The following CDH13 variants were observed in gnomAD, a reference collection of about 807,000 sequenced individuals.
CDH13 encodes the protein cadherin-13.
In CDH13, 24 loss-of-function variants were observed where a neutral mutation model predicts 63.8. The observed-to-expected ratio is 0.38, with a 90% CI of 0.27 to 0.53. The LOEUF is 0.53. CDH13 is among the 20% of genes least tolerant of loss of function. The pLI is 0.85. For synonymous variants in CDH13, 503 were observed against 355.3 expected, an observed-to-expected ratio of 1.42 and a Z score of -4.67; for missense variants, 1,049 against 903.1, an observed-to-expected ratio of 1.16 and a Z score of -2.07.
At chr16:82,849,685 C>A (rs1450118558) in intron 1 of CDH13, among the ~76,000 whole-genome samples, 1 of 152,148 alleles carries the variant, frequency 6.6e-6, no homozygotes, top group Non-Finnish European at 1.5e-5. Flanking sequence ...ACTTTCATAG[C>A]TAGAGAGAAG....
At chr16:83,304,237 A>G (rs2089821688) in intron 5 of CDH13, among the ~76,000 whole-genome samples, 1 of 152,138 alleles carries the variant, frequency 6.6e-6, no homozygotes, top group South Asian at 2.1e-4. Context: ...ACGCTGAAAT[A>G]TTTGAAGCTG....
At chr16:82,897,954 G>A (rs1162744481) in intron 2 of CDH13, among the ~76,000 whole-genome samples, 1 of 152,164 alleles carries the variant, frequency 6.6e-6, no homozygotes, top group African/African-American at 2.4e-5. Context: ...TGCCTCTGAT[G>A]CTTATCATCT....
chr16:83,376,593 C>T lies in CDH13; in HGVS notation c.781+31587C>T, dbSNP rs150258745. On this transcript the variant is annotated intron_variant, in intron 6 of 13. Coordinates refer to ENST00000567109, the MANE Select transcript of CDH13 (RefSeq NM_001257.5). ...GAGAATGGGTAGGAGAGAGGAACAT[C>T]TAACTCGGTGAGATGCTAGCATGAT... is the stretch of plus-strand genomic sequence containing the variant. 2.7e-3 allele frequency among the ~76,000 whole-genome samples: 416 copies of T among 152,192 alleles called. 1 individual carries two copies. The highest frequency in any genetic ancestry group is 6.8e-3 in the Middle Eastern group (2 of 294).
At chr16:83,446,591 C>A (rs2072694901) in intron 6 of CDH13, among the ~76,000 whole-genome samples, 1 of 152,152 alleles carries the variant, frequency 6.6e-6, no homozygotes, top group South Asian at 2.1e-4. Flanking sequence ...GGATTTGGTA[C>A]CATTAAACTC....
intron 1 of CDH13, among the ~76,000 whole-genome samples, chr16:82,670,105 C>T (rs3852734): frequency 0.23 from 35,225 of 152,142 alleles, 4,131 homozygotes; most frequent in East Asian, 0.32. Context: ...CTTGAGTCAC[C>T]GAGCATATGG....
At chr16:83,429,086 T>C (rs4782792) in intron 6 of CDH13, among the ~76,000 whole-genome samples, 34,687 of 152,228 alleles carry the variant, frequency 0.23, 4,663 homozygotes, top group East Asian at 0.62. Flanking sequence ...CTTTGAAAGA[T>C]GGCATTAATT....
At chr16:82,998,608 C>T (rs1030341567) in intron 2 of CDH13, among the ~76,000 whole-genome samples, 1 of 152,128 alleles carries the variant, frequency 6.6e-6, no homozygotes, top group Non-Finnish European at 1.5e-5. Flanking sequence ...CCACTCTCAG[C>T]TTTCCAATTT....
intron 6 of CDH13, among the ~76,000 whole-genome samples, chr16:83,430,272 C>A (rs1242481428): frequency 2.0e-5 from 3 of 152,060 alleles, no homozygotes; most frequent in African/African-American, 7.2e-5. Context: ...TTACAGTGAT[C>A]ATGTTTGTTG....
intron 3 of CDH13, among the ~76,000 whole-genome samples, chr16:83,053,835 A>T (rs2030640632): frequency 6.6e-6 from 1 of 152,154 alleles, no homozygotes; most frequent in Admixed American, 6.5e-5. Context: ...TCTATGGGAA[A>T]CACATTTCGA....
intron 3 of CDH13, among the ~76,000 whole-genome samples, chr16:83,119,592 G>T (rs182612727): frequency 1.2e-4 from 18 of 152,238 alleles, no homozygotes; most frequent in Admixed American, 3.9e-4. Flanking sequence ...CTCTTGAATT[G>T]ATTACATTAT....
At chr16:82,683,779 A>T (rs1914790615) in intron 1 of CDH13, among the ~76,000 whole-genome samples, 1 of 152,246 alleles carries the variant, frequency 6.6e-6, no homozygotes, top group African/African-American at 2.4e-5. Context: ...CAAGCCAAGA[A>T]GGCAAAGACT....
chr16:83,626,819 C>A (rs1489910583), intron 8 of CDH13, among the ~76,000 whole-genome samples: 1 of 152,138 alleles, frequency 6.6e-6, no homozygotes, highest in Non-Finnish European at 1.5e-5. Context: ...GAATCCCACA[C>A]AGACTCCCTG....
intron 1 of CDH13, among the ~76,000 whole-genome samples, chr16:82,724,793 A>G (rs559619647): frequency 6.6e-6 from 1 of 152,176 alleles, no homozygotes; most frequent in Non-Finnish European, 1.5e-5. Flanking sequence ...ACCTACAAAC[A>G]GGGGAGCCAG....
intron 1 of CDH13, among the ~76,000 whole-genome samples, chr16:82,764,828 T>A (rs1232305750): frequency 3.9e-5 from 6 of 151,952 alleles, no homozygotes; most frequent in Middle Eastern, 3.4e-3. Flanking sequence ...TTTTTTTTTT[T>A]TTTGAGATGG....
intron 1 of CDH13, among the ~76,000 whole-genome samples, chr16:82,679,373 C>G (rs1172730024): frequency 6.6e-6 from 1 of 152,156 alleles, no homozygotes. Flanking sequence ...TAGCAGGGAG[C>G]AAGAACTGTC....
intron 6 of CDH13, among the ~76,000 whole-genome samples, chr16:83,381,594 C>T (rs2091568021): frequency 6.6e-6 from 1 of 152,046 alleles, no homozygotes; most frequent in South Asian, 2.1e-4. Flanking sequence ...CCCTTCACAT[C>T]ACCTTCTCCC....
rs558153758 is a variant in CDH13 at position 82,651,722 on chromosome 16, A to G, written c.45+24585A>G. Among the ~76,000 whole-genome samples the G allele has an allele frequency of 9.2e-5, 14 of 152,336 alleles. 1 individual carries two copies. In the South Asian group the frequency reaches 2.5e-3, roughly 27 times the overall value. ...TGTAGGAAGTACAGCTGGGGCTTAT[A>G]CCTTCCCATTCTACCCTCCAGGTTT... On this transcript the variant is annotated intron_variant, in intron 1 of 13. Transcript: ENST00000567109.
chr16:82,814,745 G>A (rs2037617927), intron 1 of CDH13, among the ~76,000 whole-genome samples: 1 of 152,166 alleles, frequency 6.6e-6, no homozygotes, highest in South Asian at 2.1e-4. Context: ...GTCAAAGAGG[G>A]GGTTGTGGGA....
chr16:83,450,588 G>C (rs2072859677), intron 6 of CDH13, among the ~76,000 whole-genome samples: 1 of 152,146 alleles, frequency 6.6e-6, no homozygotes, highest in Non-Finnish European at 1.5e-5. Flanking sequence ...TTGATAAAGA[G>C]GGCCAGGGGC....
Sources: allele counts gnomAD v4.1 joint callset (sites outside exome capture counted in the v4.1 genomes callset), GRCh38; gene constraint gnomAD v4.1.1; transcripts MANE v1.5; gene names NCBI Gene and HGNC (gene_info 2026-07-23, HGNC 2026-07-21).